RGS7: variants seen among roughly 807,000 people sequenced by gnomAD.
RGS7 encodes regulator of G protein signaling 7.
Under a neutral mutation model 81.1 loss-of-function variants are expected in RGS7, and 27 were observed. The ratio of observed to expected loss-of-function variants is 0.33; its 90% CI spans 0.25 to 0.46. RGS7 has a LOEUF of 0.46. RGS7 is among the 20% of genes least tolerant of loss of function. The pLI is 1.00. For synonymous variants in RGS7, 208 were observed against 207.7 expected (o/e 1.00, Z -0.01); for missense variants, 396 against 607.4 (o/e 0.65, Z 3.66).
chr1:240,926,526 G>C (rs1674462598), intron 6 of RGS7, among the ~76,000 whole-genome samples: 2 of 152,114 alleles, frequency 1.3e-5, no homozygotes, highest in African/African-American at 4.8e-5. Context: ...TGTATAAAAT[G>C]GTCATTTCTA....
chr1:241,235,122 T>C (rs1274399152), intron 2 of RGS7, among the ~76,000 whole-genome samples: 1 of 152,246 alleles, frequency 6.6e-6, no homozygotes. Context: ...AGGCCTGTAA[T>C]TGACTATAAT....
chr1:240,966,312 A>G (rs1682291723), intron 4 of RGS7, among the ~76,000 whole-genome samples: 1 of 152,330 alleles, frequency 6.6e-6, no homozygotes, highest in Non-Finnish European at 1.5e-5. Flanking sequence ...AAAAAAATCA[A>G]AGTATAACCG....
chr1:241,028,253 G>T (rs558681403), intron 3 of RGS7, among the ~76,000 whole-genome samples: 4 of 152,272 alleles, frequency 2.6e-5, no homozygotes, highest in African/African-American at 9.6e-5. Flanking sequence ...ATAGAGTTTT[G>T]AATTGGATTG....
intron 2 of RGS7, among the ~76,000 whole-genome samples, chr1:241,255,298 T>C (rs1406740121): frequency 1.3e-5 from 2 of 152,214 alleles, no homozygotes; most frequent in Non-Finnish European, 2.9e-5. Context: ...AATGTTTCAA[T>C]CCTGAAACCA....
In RGS7 at chr1:241,023,866, C is replaced by T. The variant is rs147685150; in HGVS notation, c.176-40737G>A. On this transcript the variant is annotated intron_variant, in intron 3 of 18. Transcript: ENST00000440928. ...GTTCAAGAGATTCTCCTGCCTCCAC[C>T]TCCCGAGTAGTTGGGATTACAGGCA... 3.1e-3 allele frequency among the ~76,000 whole-genome samples: 471 copies of T among 152,292 alleles called. 5 individuals carry two copies. Among genetic ancestry groups the T allele is most frequent in the African/African-American group, 0.011 (443 of 41,564 alleles).
chr1:241,221,246 A>T (rs2074995393), intron 2 of RGS7, among the ~76,000 whole-genome samples: 1 of 152,220 alleles, frequency 6.6e-6, no homozygotes, highest in Non-Finnish European at 1.5e-5. Context: ...TTAGACAAAG[A>T]TTAGGTTCTG....
intron 3 of RGS7, among the ~76,000 whole-genome samples, chr1:241,038,310 T>C (rs2060436466): frequency 6.6e-6 from 1 of 152,168 alleles, no homozygotes; most frequent in African/African-American, 2.4e-5. Context: ...ATATATCAAA[T>C]AGCAAATAGT....
chr1:240,930,672 C>T, intron 6 of RGS7, 45 bp downstream of exon 6: 1 of 1,554,824 alleles, frequency 6.4e-7, no homozygotes, highest in Non-Finnish European at 8.9e-7. Flanking sequence ...CATCCATCTA[C>T]ACATACAGGC....
intron 2 of RGS7, among the ~76,000 whole-genome samples, chr1:241,295,678 T>C (rs1030408613): frequency 6.6e-6 from 1 of 152,170 alleles, no homozygotes; most frequent in Non-Finnish European, 1.5e-5. Flanking sequence ...CTGTAGCACA[T>C]ATTTTGAATT....
chr1:241,101,585 A>C (rs1282939710), intron 2 of RGS7, among the ~76,000 whole-genome samples: 1 of 152,174 alleles, frequency 6.6e-6, no homozygotes, highest in Admixed American at 6.5e-5. Flanking sequence ...ACCAAATACC[A>C]AATACCCCAC....
In RGS7 at chr1:240,816,280, G is replaced by A. The variant is rs746070103; in HGVS notation, c.783+37C>T. On this transcript the variant is annotated intron_variant, in intron 11 of 18. Coordinates refer to ENST00000440928, the MANE Select transcript of RGS7 (RefSeq NM_001364886.1). Reference sequence around the variant, plus strand: ...CTCTGGTTTTCATAGCTGTTACTCTGTAAACCTTTAACAGGTCATCTCATA... The same window carrying A: ...CTCTGGTTTTCATAGCTGTTACTCTATAAACCTTTAACAGGTCATCTCATA... 4.5e-6 allele frequency: 6 copies of A among 1,340,420 alleles called. No individual in the cohort carries two copies. In the East Asian group the frequency reaches 1.1e-4, roughly 26 times the overall value. The allele number at this position is 1,340,420 out of a possible 1,614,324, so 83.0% of individuals were successfully genotyped here.
At position 241,271,499 on chromosome 1, in the gene RGS7, A is replaced by C. The variant is rs1480114220; in HGVS notation, c.78+84200T>G. Among the ~76,000 whole-genome samples the C allele has an allele frequency of 6.6e-6, 1 of 152,244 alleles. No homozygotes were observed. Among genetic ancestry groups the C allele is most frequent in the Non-Finnish European group, 1.5e-5 (1 of 68,046 alleles). On this transcript the variant is annotated intron_variant, in intron 2 of 18. Transcript: ENST00000440928. This position sits in a 1 kb window ranked among gnomAD's most constrained non-coding sequence, Gnocchi z 4.6. ...ACACTTCTGTGACGGTTCATTTTAC[A>C]TGTCAACTTGACTGTTTCACAGGAG... is the stretch of plus-strand genomic sequence containing the variant.
chr1:241,002,589 T>G (rs1444600283), intron 3 of RGS7, among the ~76,000 whole-genome samples: 6 of 152,240 alleles, frequency 3.9e-5, no homozygotes, highest in Non-Finnish European at 1.5e-5. Context: ...GATATTAGAT[T>G]TTATGTATCT....
At chr1:241,055,521 T>C (rs774150044) in intron 3 of RGS7, among the ~76,000 whole-genome samples, 3 of 152,160 alleles carry the variant, frequency 2.0e-5, no homozygotes, top group African/African-American at 4.8e-5. Flanking sequence ...CTTTCACTTA[T>C]GGTCATTTAT....
chr1:240,828,340 G>A (rs1010847336), intron 9 of RGS7, among the ~76,000 whole-genome samples: 5 of 152,164 alleles, frequency 3.3e-5, no homozygotes, highest in East Asian at 1.9e-4. Context: ...CATGAATCAC[G>A]AAACAGAGAA....
chr1:241,190,051 C>T (rs566004829), intron 2 of RGS7, among the ~76,000 whole-genome samples: 14 of 151,958 alleles, frequency 9.2e-5, no homozygotes, highest in South Asian at 6.2e-4. Flanking sequence ...TGCAGTGAGC[C>T]GAGATGGCGC....
At chr1:241,067,349 T>C (rs74149600) in intron 3 of RGS7, among the ~76,000 whole-genome samples, 6,440 of 152,148 alleles carry the variant, frequency 0.042, 178 homozygotes, top group East Asian at 0.14. Flanking sequence ...TAGTAGGCTC[T>C]GTATTCCATG....
chr1:241,140,321 G>C (rs2067838480), intron 2 of RGS7, among the ~76,000 whole-genome samples: 1 of 152,134 alleles, frequency 6.6e-6, no homozygotes, highest in African/African-American at 2.4e-5. Flanking sequence ...CATACCTTCA[G>C]GGTTAGAGAT....
chr1:241,111,619 A>G (rs1448917029), intron 2 of RGS7, among the ~76,000 whole-genome samples: 12 of 101,934 alleles, frequency 1.2e-4, no homozygotes, highest in Admixed American at 1.2e-3. Context: ...CTCTACAAGT[A>G]AAAAAAAAAA....
Sources: gnomAD v4.1 joint callset for allele counts (sites outside exome capture counted in the v4.1 genomes callset) on GRCh38, gnomAD v4.1.1 for gene constraint, Gnocchi (gnomAD v3.1) non-coding constraint, MANE v1.5 for transcripts, NCBI Gene and HGNC (gene_info 2026-07-23, HGNC 2026-07-21) for gene names.